ACIN1: variants seen among roughly 807,000 people sequenced by gnomAD.
The protein encoded by ACIN1 is apoptotic chromatin condensation inducer in the nucleus.
Under a neutral mutation model 146.6 loss-of-function variants are expected in ACIN1, and 16 were observed. The ratio of observed to expected loss-of-function variants is 0.11; its 90% CI spans 0.07 to 0.17. The LOEUF is 0.17. Among genes scored for constraint, ACIN1 ranks in the 10% least tolerant of loss-of-function variants. ACIN1 has a pLI of 1.00. For synonymous variants in ACIN1, 569 were observed against 582.7 expected, an observed-to-expected ratio of 0.98 and a Z score of 0.34; for missense variants, 1,357 against 1,609.3, an observed-to-expected ratio of 0.84 and a Z score of 2.68.
At chr14:23,094,283 A>G (rs1483346019) in intron 1 of ACIN1, among the ~76,000 whole-genome samples, 1 of 152,034 alleles carries the variant, frequency 6.6e-6, no homozygotes, top group Non-Finnish European at 1.5e-5. Context: ...AACCAAACCT[A>G]TACACTTGAA....
intron 10 of ACIN1, among the ~76,000 whole-genome samples, chr14:23,065,697 A>G (rs2047431182): frequency 6.6e-6 from 1 of 152,242 alleles, no homozygotes. Flanking sequence ...GAAAGAATAA[A>G]TGCCTCTAAG....
intron 18 of ACIN1, among the ~76,000 whole-genome samples, chr14:23,060,596 TCCG>T (rs1244986228): frequency 6.6e-6 from 1 of 151,846 alleles, no homozygotes; most frequent in East Asian, 1.9e-4. Flanking sequence ...CACTGCAACC[TCCG>T]CCTCCCGGGT....
intron 4 of ACIN1, among the ~76,000 whole-genome samples, chr14:23,087,399 C>T (rs1460496514): frequency 6.6e-6 from 1 of 151,672 alleles, no homozygotes; most frequent in Non-Finnish European, 1.5e-5. Context: ...ATGAGCAGTA[C>T]TCTACAATTT....
upstream of ACIN1, chr14:23,095,327 T>A (rs2048350654): frequency 6.4e-7 from 1 of 1,555,446 alleles, no homozygotes; most frequent in African/African-American, 1.4e-5. Flanking sequence ...GCAGCGCCCC[T>A]TTTCTCGCCC....
At position 23,079,928 on chromosome 14, in the gene ACIN1, C is replaced by A. The variant is rs752500421; in HGVS notation, c.1407G>T (p.Gln469His). 7 of 1,614,148 alleles carry A rather than the reference C, an allele frequency of 4.3e-6. No individual in the cohort carries two copies. In the South Asian group the frequency reaches 6.6e-5, roughly 15 times the overall value. Residue 469 changes from glutamine to histidine, a missense_variant, in exon 6 of 19, where the codon CAG (glutamine) becomes CAT (histidine). By Grantham distance (24) the Gln-to-His change is conservative. Transcript: ENST00000605057. ...DLEPESDRSA[Q>H]PLPLKIEELA... The stretch of plus-strand genomic sequence containing the variant: ...ATTCCTCAATTTTTAGAGGGAGGGG[C>A]TGAGCAGATCTGTCTGACTCAGGTT...
chr14:23,064,513 A>G (rs1184997645), intron 10 of ACIN1, 25 bp from the exon 11 acceptor site: 1 of 1,612,702 alleles, frequency 6.2e-7, no homozygotes, highest in Non-Finnish European at 8.5e-7. Context: ...TAGACCCAAC[A>G]GTTAGATGGT....
chr14:23,091,350 G>A (rs898744212), intron 2 of ACIN1, among the ~76,000 whole-genome samples: 1 of 152,048 alleles, frequency 6.6e-6, no homozygotes, highest in Non-Finnish European at 1.5e-5. Flanking sequence ...TGTAATCCCA[G>A]TACTTTGGGA....
Sources: allele counts gnomAD v4.1 joint callset (sites outside exome capture counted in the v4.1 genomes callset), GRCh38; gene constraint gnomAD v4.1.1; transcripts MANE v1.5; gene names NCBI Gene and HGNC (gene_info 2026-07-23, HGNC 2026-07-21).